The following ARID5B variants were observed in gnomAD, a reference collection of about 807,000 sequenced individuals.
ARID5B encodes the protein AT-rich interactive domain-containing protein 5B.
In ARID5B, 13 loss-of-function variants were observed where a neutral mutation model predicts 97.2. The observed-to-expected ratio is 0.13, with a 90% CI of 0.09 to 0.21. The LOEUF (loss-of-function observed/expected upper bound fraction) is 0.21, where lower values mean the gene tolerates loss of function less well. Ranked by LOEUF, ARID5B falls within the 10% of genes least tolerant of loss-of-function variation. The pLI, the probability that ARID5B is intolerant of heterozygous loss-of-function variation, is 1.00. For synonymous variants in ARID5B, 556 were observed against 570.3 expected (o/e 0.97, Z 0.36); for missense variants, 1,210 against 1,465.3 (o/e 0.83, Z 2.84).
chr10:61,932,413 C>CTTTTT (rs200321468), intron 2 of ARID5B, among the ~76,000 whole-genome samples: 1 of 135,516 alleles, frequency 7.4e-6, no homozygotes, highest in Non-Finnish European at 1.6e-5. Flanking sequence ...TTTTCTTTTT[C>CTTTTT]TTTTTTTTTT....
chr10:61,965,871 A>G lies in ARID5B; in HGVS notation c.502+25463A>G, dbSNP rs76931985. Among the ~76,000 whole-genome samples, 500 of 152,334 alleles carry G rather than the reference A, an allele frequency of 3.3e-3. 3 individuals carry two copies. The highest frequency in any genetic ancestry group is 6.0e-3 in the Non-Finnish European group (406 of 68,024). ...TGTTTTTCATGGTCTACGAAAATAA[A>G]TGCTTTGGTTGAACTAAAGTTATGT... On this transcript the variant is annotated intron_variant, in intron 3 of 9. Coordinates refer to ENST00000279873, the MANE Select transcript of ARID5B (RefSeq NM_032199.3).
chr10:61,944,704 C>A (rs1844472785), intron 3 of ARID5B, among the ~76,000 whole-genome samples: 1 of 152,076 alleles, frequency 6.6e-6, no homozygotes, highest in Admixed American at 6.6e-5. Context: ...TATTGAAGCC[C>A]TTTGAGGCAT....
At chr10:62,055,714 G>T (rs1839847508) in intron 5 of ARID5B, among the ~76,000 whole-genome samples, 1 of 152,150 alleles carries the variant, frequency 6.6e-6, no homozygotes, top group African/African-American at 2.4e-5. Flanking sequence ...AAGCCCCATT[G>T]AATCAGTTTC....
intron 4 of ARID5B, among the ~76,000 whole-genome samples, chr10:62,039,731 T>C (rs1028333556): frequency 6.6e-6 from 1 of 152,252 alleles, no homozygotes; most frequent in Non-Finnish European, 1.5e-5. Context: ...AGAATGTTTC[T>C]CCTCCCTGCC....
chr10:62,085,831 C>T lies in ARID5B; in HGVS notation c.1329C>T (p.Arg443=). ...ENKTKVSGTK[R]IKHEIPKSKK... is the part of the protein sequence containing the mutation. The stretch of plus-strand genomic sequence containing the variant: ...AAACAAAAGTATCTGGAACCAAACG[C>T]ATCAAACATGAAATACCTAAAAGCA... The change falls in exon 9 of 10, where the codon CGC becomes CGT. Residue 443 remains arginine, a synonymous_variant. Transcript: ENST00000279873. The T allele has an allele frequency of 6.2e-7, 1 of 1,614,074 alleles. No homozygotes were observed. The highest frequency in any genetic ancestry group is 1.3e-5 in the African/African-American group (1 of 75,024).
At chr10:61,963,544 T>A (rs183989127) in intron 3 of ARID5B, among the ~76,000 whole-genome samples, 2 of 151,940 alleles carry the variant, frequency 1.3e-5, no homozygotes, top group African/African-American at 4.8e-5. Context: ...CAATTGAAGA[T>A]CCAGATGGAC....
intron 2 of ARID5B, among the ~76,000 whole-genome samples, chr10:61,934,689 G>T (rs181570381): frequency 6.6e-6 from 1 of 152,222 alleles, no homozygotes; most frequent in East Asian, 1.9e-4. Flanking sequence ...ATGGTTTGTG[G>T]CATCTCCAAA....
intron 7 of ARID5B, among the ~76,000 whole-genome samples, chr10:62,065,870 A>C (rs1839980823): frequency 6.6e-6 from 1 of 150,400 alleles, no homozygotes. Context: ...AAAAAAGGAA[A>C]CAAAGAGCCA....
chr10:62,035,196 A>T (rs1839546618), intron 4 of ARID5B, among the ~76,000 whole-genome samples: 2 of 152,222 alleles, frequency 1.3e-5, no homozygotes, highest in Admixed American at 6.5e-5. Flanking sequence ...AGGATAGCCT[A>T]GCCACCTGGC....
intron 3 of ARID5B, among the ~76,000 whole-genome samples, chr10:61,978,418 A>G (rs978591178): frequency 1.3e-5 from 2 of 152,308 alleles, no homozygotes; most frequent in South Asian, 2.1e-4. Context: ...TAGCTTGATG[A>G]GAATGGCATT....
intron 8 of ARID5B, among the ~76,000 whole-genome samples, chr10:62,082,849 C>T (rs893683628): frequency 7.9e-5 from 12 of 152,158 alleles, no homozygotes; most frequent in African/African-American, 2.7e-4. Flanking sequence ...TTGCACCAAA[C>T]GGAAATCACT....
At chr10:62,004,417 TAAAGCATTATG>T (rs1312464005) in intron 4 of ARID5B, among the ~76,000 whole-genome samples, 2 of 152,216 alleles carry the variant, frequency 1.3e-5, no homozygotes, top group African/African-American at 4.8e-5. Context: ...GACTCCCCAT[TAAAGCATTATG>T]AAAACTCATT....
intron 3 of ARID5B, among the ~76,000 whole-genome samples, chr10:61,987,428 G>A (rs1006276397): frequency 1.3e-5 from 2 of 152,232 alleles, no homozygotes; most frequent in African/African-American, 4.8e-5. Flanking sequence ...CTGGAAAGGA[G>A]AGTCCAGCTT....
At chr10:62,001,574 C>T (rs1379696556) in intron 4 of ARID5B, among the ~76,000 whole-genome samples, 1 of 152,116 alleles carries the variant, frequency 6.6e-6, no homozygotes, top group Admixed American at 6.5e-5. Context: ...ATTCCAACAG[C>T]CCTGGTGCTG....
chr10:61,983,329 A>T (rs1317318387), intron 3 of ARID5B, among the ~76,000 whole-genome samples: 3 of 152,208 alleles, frequency 2.0e-5, no homozygotes, highest in Non-Finnish European at 2.9e-5. Flanking sequence ...GCTTTGACTT[A>T]AAAGGATAAG....
chr10:62,017,783 T>C (rs965664089), intron 4 of ARID5B, among the ~76,000 whole-genome samples: 5 of 152,352 alleles, frequency 3.3e-5, no homozygotes, highest in South Asian at 2.1e-4. Flanking sequence ...TTGCTTTTTT[T>C]CCCATATGTC....
rs60329829 is a variant in ARID5B at position 61,938,964 on chromosome 10, AGTGTGT to A, written c.277-1184_277-1179del. On this transcript the variant is annotated intron_variant, in intron 2 of 9. Transcript: ENST00000279873. ...AACCTTTTTTTGTTCGAATTGGAGA[AGTGTGT>A]GTGTGTGTGTGTGTGTGTGTGTGTG... Among the ~76,000 whole-genome samples the A allele has an allele frequency of 2.6e-3, 331 of 125,178 alleles. 2 individuals are homozygous for A. Among genetic ancestry groups the A allele is most frequent in the Middle Eastern group, 7.8e-3 (2 of 256 alleles). The allele number at this position is 125,178 out of a possible 152,430, so 82.1% of individuals were successfully genotyped here. A position where few individuals can be genotyped will look rare whatever the true frequency, so the allele number is the denominator to read the frequency against.
intron 3 of ARID5B, among the ~76,000 whole-genome samples, chr10:61,956,174 G>C (rs1305868879): frequency 6.6e-6 from 1 of 152,236 alleles, no homozygotes; most frequent in African/African-American, 2.4e-5. Flanking sequence ...AGCAGAAAGT[G>C]AGTAGCCTGC....
intron 4 of ARID5B, among the ~76,000 whole-genome samples, chr10:62,012,678 A>G (rs981525756): frequency 6.6e-6 from 1 of 152,166 alleles, no homozygotes; most frequent in African/African-American, 2.4e-5. Flanking sequence ...CCGCCATCTC[A>G]TCAGTGTTAT....
Sources: allele counts gnomAD v4.1 joint callset (sites outside exome capture counted in the v4.1 genomes callset), GRCh38; gene constraint gnomAD v4.1.1; transcripts MANE v1.5; gene names NCBI Gene and HGNC (gene_info 2026-07-23, HGNC 2026-07-21).